The following PLEKHA7 variants were observed in gnomAD, a reference collection of about 807,000 sequenced individuals.
The protein encoded by PLEKHA7 is pleckstrin homology domain-containing family A member 7.
In PLEKHA7, 104 loss-of-function variants were observed where a neutral mutation model predicts 170.0. That is an observed-to-expected ratio of 0.61 (90% CI 0.52 to 0.72). PLEKHA7 has a LOEUF of 0.72. PLEKHA7 is among the 30% of genes least tolerant of loss of function. The pLI is 0.00. For missense variants in PLEKHA7, 1,615 were observed against 1,671.7 expected (o/e 0.97, Z 0.59); for synonymous variants, 648 against 660.8 (o/e 0.98, Z 0.30).
At chr11:16,975,693 T>G (rs1309625968) in intron 3 of PLEKHA7, among the ~76,000 whole-genome samples, 3 of 152,146 alleles carry the variant, frequency 2.0e-5, no homozygotes, top group Admixed American at 2.0e-4. Context: ...TATAAATACA[T>G]AGATACACAG....
intron 13 of PLEKHA7, 24 bp downstream of exon 13, chr11:16,813,089 G>A (rs1290945150): frequency 6.2e-7 from 1 of 1,607,834 alleles, no homozygotes; most frequent in Admixed American, 1.7e-5. Flanking sequence ...ATGCAAGGAA[G>A]GCAGGAACCC....
rs111735493 is a variant in PLEKHA7, at chr11:16,903,172, C to T, written c.222-31990G>A. ...TTAAATCCATTTCTGTTTAGAAAAG[C>T]GAGAATAACTTCTCACTACTGCTAC... is the stretch of plus-strand genomic sequence containing the variant. On this transcript the variant is annotated intron_variant, in intron 3 of 26. Coordinates refer to ENST00000531066, the MANE Select transcript of PLEKHA7 (RefSeq NM_001329630.2). Among the ~76,000 whole-genome samples the T allele has an allele frequency of 1.9e-3, 292 of 152,256 alleles. 3 individuals carry two copies. The highest frequency in any genetic ancestry group is 6.5e-3 in the African/African-American group (271 of 41,550).
intron 3 of PLEKHA7, among the ~76,000 whole-genome samples, chr11:16,913,534 C>G (rs2136177290): frequency 6.6e-6 from 1 of 152,326 alleles, no homozygotes; most frequent in African/African-American, 2.4e-5. Flanking sequence ...GTGAACAAGG[C>G]TGCCTGCAGA....
At chr11:16,797,648 T>A (rs1419238133) in intron 17 of PLEKHA7, among the ~76,000 whole-genome samples, 5 of 152,314 alleles carry the variant, frequency 3.3e-5, no homozygotes, top group African/African-American at 1.2e-4. Flanking sequence ...TGGGTTTGAT[T>A]CTCAGCTCCA....
intron 3 of PLEKHA7, among the ~76,000 whole-genome samples, chr11:16,991,376 A>G (rs1864032680): frequency 6.6e-6 from 1 of 152,222 alleles, no homozygotes; most frequent in South Asian, 2.1e-4. Context: ...GATGCATTCT[A>G]GCAGGGAGAG....
rs565628928 is a variant in PLEKHA7 at position 16,984,259 on chromosome 11, T to C, written c.221+29730A>G. On this transcript the variant is annotated intron_variant, in intron 3 of 26. Transcript: ENST00000531066. ...TCTTTAGAATAAGTATATTTTAGAA[T>C]ATTATCCTAAATAATTAAAATATTT... is the stretch of plus-strand genomic sequence containing the variant. 2.0e-5 allele frequency among the ~76,000 whole-genome samples: 3 copies of C among 152,138 alleles called. No individual in the cohort carries two copies. In the East Asian group the frequency reaches 5.8e-4, roughly 29 times the overall value.
chr11:16,913,287 AGAGGAGAGTG>A (rs1858388710), intron 3 of PLEKHA7, among the ~76,000 whole-genome samples: 1 of 152,192 alleles, frequency 6.6e-6, no homozygotes, highest in Non-Finnish European at 1.5e-5. Flanking sequence ...CACAGCATCC[AGAGGAGAGTG>A]CCACTCTGAA....
At chr11:16,978,905 G>A (rs528988446) in intron 3 of PLEKHA7, among the ~76,000 whole-genome samples, 87 of 152,094 alleles carry the variant, frequency 5.7e-4, no homozygotes, top group African/African-American at 1.6e-3. Flanking sequence ...TGTCTCCCAC[G>A]CCCACACCCT....
intron 3 of PLEKHA7, among the ~76,000 whole-genome samples, chr11:16,944,420 G>A (rs1860888689): frequency 6.6e-6 from 1 of 151,682 alleles, no homozygotes; most frequent in African/African-American, 2.4e-5. Flanking sequence ...GCTGAGACAG[G>A]AGAATCACTT....
intron 3 of PLEKHA7, among the ~76,000 whole-genome samples, chr11:17,006,923 C>G (rs1015534306): frequency 4.6e-5 from 7 of 152,218 alleles, no homozygotes; most frequent in Admixed American, 1.3e-4. Context: ...CTCTCCAACT[C>G]CCTTTGATTT....
chr11:16,794,552 T>C lies in PLEKHA7; in HGVS notation c.2681A>G (p.His894Arg). ...QLQTYVPYRP[H>R]PPQLRKVTSP... ...TGTCACTTTCCTCAGCTGGGGTGGG[T>C]GAGGTCGGTACGGCACGTAGGTTTG... Residue 894 changes from histidine (H) to arginine (R), a missense_variant, in exon 19 of 27, where the codon CAC becomes CGC. Coordinates refer to ENST00000531066, the MANE Select transcript of PLEKHA7 (RefSeq NM_001329630.2). 1 of 1,613,664 alleles carries C rather than the reference T, an allele frequency of 6.2e-7. No individual in the cohort carries two copies. The highest frequency in any genetic ancestry group is 8.5e-7 in the Non-Finnish European group (1 of 1,179,914).
intron 3 of PLEKHA7, among the ~76,000 whole-genome samples, chr11:16,987,256 C>G (rs1863788993): frequency 7.1e-6 from 1 of 140,324 alleles, no homozygotes; most frequent in Non-Finnish European, 1.5e-5. Flanking sequence ...GACCTCCCAT[C>G]CCCCACACCC....
At chr11:16,826,678 G>T in intron 9 of PLEKHA7, 88 bp from the exon 10 acceptor site, 1 of 1,187,846 alleles carries the variant, frequency 8.4e-7, no homozygotes, top group Non-Finnish European at 1.2e-6. Context: ...GCAGGCCTTT[G>T]CACAGGCTAT....
chr11:17,002,450 C>G (rs1864723807), intron 3 of PLEKHA7, among the ~76,000 whole-genome samples: 1 of 151,650 alleles, frequency 6.6e-6, no homozygotes, highest in Non-Finnish European at 1.5e-5. Context: ...ATGAGAGCCA[C>G]AAGGCACCAT....
At chr11:16,783,210 T>C (rs1007596169) in intron 25 of PLEKHA7, among the ~76,000 whole-genome samples, 1 of 152,210 alleles carries the variant, frequency 6.6e-6, no homozygotes, top group African/African-American at 2.4e-5. Flanking sequence ...TCTGAAGCTA[T>C]TGAGGCTTAG....
chr11:16,859,883 A>G (rs551001738), intron 4 of PLEKHA7, among the ~76,000 whole-genome samples: 1 of 152,374 alleles, frequency 6.6e-6, no homozygotes, highest in South Asian at 2.1e-4. Flanking sequence ...GCACACGCAG[A>G]CTGCTGCTGT....
chr11:16,994,351 C>T (rs1864217015), intron 3 of PLEKHA7, among the ~76,000 whole-genome samples: 1 of 152,184 alleles, frequency 6.6e-6, no homozygotes, highest in Non-Finnish European at 1.5e-5. Flanking sequence ...CCCAGGGACA[C>T]TAATCACCCA....
chr11:16,797,055 TA>T (rs60196843), intron 17 of PLEKHA7, among the ~76,000 whole-genome samples: 2,618 of 151,546 alleles, frequency 0.017, 82 homozygotes, highest in African/African-American at 0.059. Context: ...ATATATCAAT[TA>T]AAAAAAAATT....
intron 3 of PLEKHA7, among the ~76,000 whole-genome samples, chr11:16,905,796 C>T (rs1857620335): frequency 6.6e-6 from 1 of 152,190 alleles, no homozygotes; most frequent in South Asian, 2.1e-4. Context: ...TCTCACGACC[C>T]CATCTGAACT....
Sources: gnomAD v4.1 joint callset for allele counts (sites outside exome capture counted in the v4.1 genomes callset) on GRCh38, gnomAD v4.1.1 for gene constraint, MANE v1.5 for transcripts, NCBI Gene and HGNC (gene_info 2026-07-23, HGNC 2026-07-21) for gene names.